The following EXOSC8 variants were observed in gnomAD, a reference collection of about 807,000 sequenced individuals.
The protein encoded by EXOSC8 is exosome complex component RRP43.
A neutral mutation model predicts 39.9 loss-of-function variants in EXOSC8; 37 were observed. That is an observed-to-expected ratio of 0.93 (90% CI 0.71 to 1.22). The LOEUF is 1.22. Among genes scored for constraint, EXOSC8 ranks in the 50% most tolerant of loss-of-function variants. The probability of loss-of-function intolerance (pLI) is 0.00; values close to 1 mark genes in which losing one functional copy is unlikely to be tolerated. For synonymous variants in EXOSC8, 93 were observed against 109.5 expected (o/e 0.85, Z 0.94); for missense variants, 313 against 326.6 (o/e 0.96, Z 0.32).
Position 37,006,945 on chromosome 13 carries a change from A to C in EXOSC8, c.391-30A>C, listed in dbSNP as rs1190037782. ...CATGTTCTACCCATTAGAAGACTTT[A>C]ATTTCCTTTTGTGTTTAATTCTATT... On this transcript the variant is annotated intron_variant, in intron 7 of 10. Coordinates refer to ENST00000389704, the MANE Select transcript of EXOSC8 (RefSeq NM_181503.3). 2.2e-6 allele frequency: 3 copies of C among 1,383,676 alleles called. No individual in the cohort carries two copies. The South Asian group carries it at 3.5e-5, about 16-fold the overall frequency. 85.7% of individuals were successfully genotyped at this position (1,383,676 alleles called of 1,614,324 possible).
rs1346030596 is a variant in EXOSC8, at chr13:37,009,362, G to A, written c.*63G>A. 7 of 900,290 alleles carry A rather than the reference G, an allele frequency of 7.8e-6. No individual in the cohort carries two copies. Among genetic ancestry groups the A allele is most frequent in the South Asian group, 4.5e-5 (3 of 67,254 alleles). The allele number at this position is 900,290 out of a possible 1,614,324, so 55.8% of individuals were successfully genotyped here. On this transcript the variant is annotated 3_prime_UTR_variant, in exon 11 of 11. Coordinates refer to ENST00000389704, the MANE Select transcript of EXOSC8 (RefSeq NM_181503.3). Reference sequence around the variant, plus strand: ...GTATTTGTTAACACTGTGCACAAACGTTTTATACTAAATAAATATCAAACT... The same window carrying A: ...GTATTTGTTAACACTGTGCACAAACATTTTATACTAAATAAATATCAAACT...
In EXOSC8 at chr13:37,002,430, T is replaced by G. The variant is rs537545724; in HGVS notation, c.55-58T>G. ...TTTAATGTGTGTGTAAAACTTGTGA[T>G]AGATGTGTAAAATATGTAATAGGTA... On this transcript the variant is annotated intron_variant, in intron 2 of 10. Coordinates refer to ENST00000389704, the MANE Select transcript of EXOSC8 (RefSeq NM_181503.3). 7 of 1,337,592 alleles carry G rather than the reference T, an allele frequency of 5.2e-6. No individual in the cohort carries two copies. In the South Asian group the frequency reaches 9.0e-5, roughly 17 times the overall value. The allele number at this position is 1,337,592 out of a possible 1,614,324, so 82.9% of individuals were successfully genotyped here. A position where few individuals can be genotyped will look rare whatever the true frequency, so the allele number is the denominator to read the frequency against.
rs778274002 is a variant in EXOSC8, at chr13:37,002,988, T to C, written c.173T>C (p.Val58Ala). 6.2e-7 allele frequency: 1 copy of C among 1,602,440 alleles called. No homozygotes were observed. Among genetic ancestry groups the C allele is most frequent in the East Asian group, 2.2e-5 (1 of 44,704 alleles). Residue 58 changes from valine (V) to alanine (A), a missense_variant, in exon 4 of 11, where the codon GTA (valine) becomes GCA (alanine). Transcript: ENST00000389704. ...SALVKLGNTT[V>A]ICGVKAEFAA... ...TTAGTGAAGTTGGGAAATACTACAG[T>C]AATCTGTGGAGTTAAAGCAGTAAGT...
chr13:37,002,462 AT>A (rs767056011), intron 2 of EXOSC8, 25 bp from the exon 3 acceptor site: 7 of 1,470,962 alleles, frequency 4.8e-6, no homozygotes, highest in South Asian at 3.8e-5. Flanking sequence ...GGTATAATCT[AT>A]TTTTATATAA....
rs776668552 is a variant in EXOSC8 at position 37,005,974 on chromosome 13, C to T, written c.293C>T (p.Pro98Leu). 3.1e-6 allele frequency: 5 copies of T among 1,612,852 alleles called. No individual in the cohort carries two copies. Among genetic ancestry groups the T allele is most frequent in the Non-Finnish European group, 3.4e-6 (4 of 1,179,112 alleles). Residue 98 changes from proline (P) to leucine (L), a missense_variant, in exon 6 of 11, where the codon CCT becomes CTT. Pro to Leu is a moderately conservative substitution (Grantham distance 98). Coordinates refer to ENST00000389704, the MANE Select transcript of EXOSC8 (RefSeq NM_181503.3). ...LCSSRFRSGP[P>L]GEEAQVASQF... ...TCATCGAGATTCCGGTCTGGACCTC[C>T]TGGAGAAGAGGCCCAAGTGGCTAGC...
chr13:37,004,487 C>G (rs761623143), intron 4 of EXOSC8, 29 bp from the exon 5 acceptor site: 1 of 1,554,790 alleles, frequency 6.4e-7, no homozygotes, highest in Non-Finnish European at 8.8e-7. Flanking sequence ...TAGCTTCTTT[C>G]AATAGGAAAC....
Position 37,006,966 on chromosome 13 carries a change from C to G in EXOSC8, c.391-9C>G, listed in dbSNP as rs759767478. The G allele has an allele frequency of 1.4e-5, 22 of 1,570,446 alleles. No homozygotes were observed. In the Middle Eastern group the frequency reaches 1.0e-3, roughly 71 times the overall value. On this transcript the variant is annotated splice_polypyrimidine_tract_variant and intron_variant, in intron 7 of 10. Transcript: ENST00000389704. ...CTTTAATTTCCTTTTGTGTTTAATT[C>G]TATTTTAGCTTGTCTGGGTTCTATA...
Position 37,002,965 on chromosome 13 carries a change from A to T in EXOSC8, c.150A>T (p.Leu50Phe), listed in dbSNP as rs781130378. ...TTAGTACCGCAGATGGTTCTGCTTT[A>T]GTGAAGTTGGGAAATACTACAGTAA... ...GSISTADGSA[L>F]VKLGNTTVIC... The change falls in exon 4 of 11, where the codon TTA becomes TTT. Residue 50 changes from leucine to phenylalanine, a missense_variant. Physicochemically the swap from Leu to Phe is conservative, Grantham distance 22 (BLOSUM62 0). Transcript: ENST00000389704. 2.9e-5 allele frequency: 47 copies of T among 1,610,972 alleles called. No homozygotes were observed. The highest frequency in any genetic ancestry group is 1.7e-4 in the Middle Eastern group (1 of 5,936).
At position 37,005,936 on chromosome 13, in the gene EXOSC8, A is replaced by G. The variant is rs751772899; in HGVS notation, c.255A>G (p.Leu85=). Residue 85 remains leucine (L), a synonymous_variant, in exon 6 of 11, where the codon CTA becomes CTG. Transcript: ENST00000389704. ...DKGYVVPNVD[L]PPLCSSRFRS... The stretch of plus-strand genomic sequence containing the variant: ...TTCTTTCAGTTCCTAATGTGGATCT[A>G]CCACCCCTGTGTTCATCGAGATTCC... 1.9e-6 allele frequency: 3 copies of G among 1,601,938 alleles called. No individual in the cohort carries two copies. Among genetic ancestry groups the G allele is most frequent in the Non-Finnish European group, 2.6e-6 (3 of 1,170,704 alleles).
chr13:37,007,933 T>C, intron 8 of EXOSC8, 124 bp from the exon 9 acceptor site: 1 of 696,248 alleles, frequency 1.4e-6, no homozygotes, highest in Non-Finnish European at 2.4e-6. Context: ...GGCTGTAAGG[T>C]GCTTTTTAAA....
rs2059141669 is a variant in EXOSC8 at position 37,006,713 on chromosome 13, C to T, written c.391-262C>T. Among the ~76,000 whole-genome samples, 3 of 152,216 alleles carry T rather than the reference C, an allele frequency of 2.0e-5. No individual in the cohort carries two copies. In the South Asian group the frequency reaches 6.2e-4, roughly 31 times the overall value. ...CCAATGAGAATGGAAATTCCTTCTA[C>T]ATCTGTAGCTCCATTAAGGGAAATG... is the stretch of plus-strand genomic sequence containing the variant. On this transcript the variant is annotated intron_variant, in intron 7 of 10. Coordinates refer to ENST00000389704, the MANE Select transcript of EXOSC8 (RefSeq NM_181503.3).
At chr13:37,007,993 A>C in intron 8 of EXOSC8, 64 bp from the exon 9 acceptor site, 1 of 1,294,124 alleles carries the variant, frequency 7.7e-7, no homozygotes. Context: ...ATTAAAAAAA[A>C]AAAAGCTTAG....
chr13:37,004,566 G>A lies in EXOSC8; in HGVS notation c.238+5G>A. 6.3e-7 allele frequency: 1 copy of A among 1,585,604 alleles called. No individual in the cohort carries two copies. Among genetic ancestry groups the A allele is most frequent in the Non-Finnish European group, 8.6e-7 (1 of 1,156,246 alleles). ...CCCCTGATAAAGGATACGTTGGTAA[G>A]TTAAATGGTTTTGTAATTTTAATAC... is the stretch of plus-strand genomic sequence containing the variant. On this transcript the variant is annotated splice_donor_5th_base_variant and intron_variant, in intron 5 of 10. Coordinates refer to ENST00000389704, the MANE Select transcript of EXOSC8 (RefSeq NM_181503.3).
intron 1 of EXOSC8, 151 bp from the exon 2 acceptor site, chr13:37,002,119 GCTA>G (rs745386104): frequency 4.7e-5 from 26 of 553,420 alleles, no homozygotes; most frequent in Non-Finnish European, 8.4e-5. Context: ...GAATGTGATT[GCTA>G]CTACAAGGAT....
chr13:37,000,901 T>G, intron 1 of EXOSC8, 79 bp downstream of exon 1: 7 of 1,424,654 alleles, frequency 4.9e-6, no homozygotes, highest in Non-Finnish European at 6.5e-6. Context: ...TGGGATTCTC[T>G]CACCTGGAGG....
chr13:37,008,394 A>C (rs1338057025), intron 9 of EXOSC8, among the ~76,000 whole-genome samples: 3 of 152,178 alleles, frequency 2.0e-5, no homozygotes, highest in Non-Finnish European at 2.9e-5. Flanking sequence ...TTAATTTCCA[A>C]TTCTTTCACT....
rs193160529 is a variant in EXOSC8, at chr13:37,006,205, G to C, written c.390+45G>C. Reference sequence around the variant, plus strand: ...TATAAGTTCTTATTAATTCTGAAGGGATTTTTTTTTTGTGGGGGAAAGTGA... The same window carrying C: ...TATAAGTTCTTATTAATTCTGAAGGCATTTTTTTTTTGTGGGGGAAAGTGA... On this transcript the variant is annotated intron_variant, in intron 7 of 10. Transcript: ENST00000389704. 4,201 of 1,409,548 alleles carry C rather than the reference G, an allele frequency of 3.0e-3. 24 individuals carry two copies. Among genetic ancestry groups the C allele is most frequent in the Non-Finnish European group, 3.6e-3 (3,703 of 1,020,294 alleles). 87.3% of individuals were successfully genotyped at this position (1,409,548 alleles called of 1,614,324 possible). A position where few individuals can be genotyped will look rare whatever the true frequency, so the allele number is the denominator to read the frequency against.
chr13:37,002,403 C>T (rs2059112405), intron 2 of EXOSC8, 85 bp from the exon 3 acceptor site: 5 of 1,366,746 alleles, frequency 3.7e-6, no homozygotes, highest in Non-Finnish European at 4.1e-6. Flanking sequence ...TTTGAAGTAA[C>T]ATTTAATGTG....
chr13:37,007,427 G>T (rs1367098104), intron 8 of EXOSC8, among the ~76,000 whole-genome samples: 1 of 152,182 alleles, frequency 6.6e-6, no homozygotes, highest in African/African-American at 2.4e-5. Flanking sequence ...GGATTCTGTT[G>T]TTTTTACTGT....
Sources: allele counts gnomAD v4.1 joint callset (sites outside exome capture counted in the v4.1 genomes callset), GRCh38; gene constraint gnomAD v4.1.1; transcripts MANE v1.5; gene names NCBI Gene and HGNC (gene_info 2026-07-23, HGNC 2026-07-21).